The following LYSMD4 variants were observed in gnomAD, a reference collection of about 807,000 sequenced individuals.
The protein encoded by LYSMD4 is lysM and putative peptidoglycan-binding domain-containing protein 4.
A neutral mutation model predicts 6.1 loss-of-function variants in LYSMD4; 9 were observed. The observed-to-expected ratio is 1.47, with a 90% CI of 0.88 to 2.56. The LOEUF is 2.56. Among genes scored for constraint, LYSMD4 ranks in the 30% most tolerant of loss-of-function variants. LYSMD4 has a pLI of 0.00. For missense variants in LYSMD4, 384 were observed against 373.5 expected, an observed-to-expected ratio of 1.03 and a Z score of -0.23; for synonymous variants, 143 against 148.5, an observed-to-expected ratio of 0.96 and a Z score of 0.27.
chr15:99,716,753 AATCTGGCT>A, exon 2 of LYSMD4: 1 of 453,532 alleles, frequency 2.2e-6, no homozygotes, highest in Non-Finnish European at 4.4e-6. Flanking sequence ...ACCGGGGCCT[AATCTGGCT>A]GTTGCATGCA....
chr15:99,716,371 T>C (rs534904387), exon 1 of LYSMD4: 2 of 368,302 alleles, frequency 5.4e-6, no homozygotes, highest in Non-Finnish European at 1.1e-5. Context: ...TTTTTCTTCA[T>C]TATACAATAA....
At chr15:99,718,471 C>T (rs2059211288), upstream of LYSMD4, among the ~76,000 whole-genome samples, 1 of 152,204 alleles carries the variant, frequency 6.6e-6, no homozygotes, top group African/African-American at 2.4e-5. Context: ...TGTGCAGCGT[C>T]TATAGCTGTG....
At chr15:99,731,125 G>A (rs2141133479) in intron 2 of LYSMD4, 1 of 1,565,390 alleles carries the variant, frequency 6.4e-7, no homozygotes. Flanking sequence ...TGAAACAGTT[G>A]CAATCTAGGA....
At chr15:99,721,811 C>T (rs996971529), upstream of LYSMD4, among the ~76,000 whole-genome samples, 1 of 152,206 alleles carries the variant, frequency 6.6e-6, no homozygotes, top group Non-Finnish European at 1.5e-5. Flanking sequence ...AGGCCTTGGA[C>T]AACGGGCAGT....
downstream of LYSMD4, among the ~76,000 whole-genome samples, chr15:99,726,040 T>C (rs749741663): frequency 9.9e-5 from 15 of 152,086 alleles, no homozygotes; most frequent in African/African-American, 1.4e-4. Flanking sequence ...GCTTATATGA[T>C]TGTTGTTGCT....
In LYSMD4 at chr15:99,729,610, G is replaced by A. The variant is rs915428578; in HGVS notation, c.404C>T (p.Pro135Leu). The A allele has an allele frequency of 6.8e-6, 11 of 1,614,000 alleles. No homozygotes were observed. The South Asian group carries it at 1.2e-4, about 18-fold the overall frequency. ...GGTCTCGGAAGACGGGCTCAGAAGG[G>A]GTTTCAGTTCTTTGTGGGTCTCCAT... The part of the protein sequence containing the change: ...ILMETHKELK[P>L]LLSPSSETTV... Residue 135 changes from proline (P) to leucine (L), a missense_variant, in exon 3 of 3, where the codon CCC becomes CTC. Transcript: ENST00000684762.
chr15:99,721,830 G>C (rs1009048755), upstream of LYSMD4, among the ~76,000 whole-genome samples: 1 of 152,240 alleles, frequency 6.6e-6, no homozygotes, highest in Non-Finnish European at 1.5e-5. Flanking sequence ...GTGCAGGACA[G>C]TGATCTCTGA....
chr15:99,717,636 GC>G (rs1397263876), exon 1 of LYSMD4: 1 of 152,212 alleles, frequency 6.6e-6, no homozygotes, highest in East Asian at 1.9e-4. Flanking sequence ...TTCCCAGGCA[GC>G]CCCAGCCCCA....
chr15:99,726,488 C>G (rs1310204320), downstream of LYSMD4, among the ~76,000 whole-genome samples: 2 of 152,002 alleles, frequency 1.3e-5, no homozygotes, highest in African/African-American at 4.8e-5. Context: ...TCTCCTCCCA[C>G]CCCTCCCCTC....
downstream of LYSMD4, among the ~76,000 whole-genome samples, chr15:99,722,593 T>C (rs2059245504): frequency 1.3e-5 from 2 of 152,172 alleles, no homozygotes; most frequent in South Asian, 4.1e-4. Context: ...GGACCCAGAA[T>C]GACATAAATG....
rs1400165808 is a variant in LYSMD4 at position 99,728,078 on chromosome 15, A to G, written c.*1045T>C. ...AACAAGGGTCGCCTCTAGCCCCTCC[A>G]TCAAGTCTTTGGTCCTGGAACATTG... On this transcript the variant is annotated 3_prime_UTR_variant, in exon 3 of 3. Coordinates refer to ENST00000684762, the MANE Select transcript of LYSMD4 (RefSeq NM_001284417.2). 1.3e-5 allele frequency: 2 copies of G among 152,296 alleles called. No homozygotes were observed. Among genetic ancestry groups the G allele is most frequent in the East Asian group, 3.8e-4 (2 of 5,204 alleles). 9.4% of individuals were successfully genotyped at this position (152,296 alleles called of 1,614,324 possible). A position where few individuals can be genotyped will look rare whatever the true frequency, so the allele number is the denominator to read the frequency against.
upstream of LYSMD4, among the ~76,000 whole-genome samples, chr15:99,718,936 C>T (rs555006948): frequency 1.7e-4 from 23 of 137,376 alleles, 1 homozygote; most frequent in African/African-American, 5.7e-4. Flanking sequence ...CACACACACA[C>T]ACACATCCAT....
intron 2 of LYSMD4, 86 bp from the exon 3 acceptor site, chr15:99,729,817 G>C (rs1027557258): frequency 1.4e-6 from 2 of 1,449,898 alleles, no homozygotes; most frequent in African/African-American, 2.8e-5. Context: ...ATCTTTCTGG[G>C]TGATGATTCA....
chr15:99,729,564 T>TGGCA lies in LYSMD4; in HGVS notation c.446_449dup (p.Glu151AlafsTer22). 1 of 1,614,152 alleles carries TGGCA rather than the reference T, an allele frequency of 6.2e-7. No homozygotes were observed. The highest frequency in any genetic ancestry group is 8.5e-7 in the Non-Finnish European group (1 of 1,180,006). On this transcript the variant is annotated frameshift_variant, in exon 3 of 3. Transcript: ENST00000684762. LOFTEE classifies it low-confidence loss of function (END_TRUNC). ...TGCCCGCGCCTGCTCTGTCTGCCTCTGGCAGTTCCACGGTCACTGTGGTCT... is the reference window on the plus strand; with the variant it reads ...TGCCCGCGCCTGCTCTGTCTGCCTCTGGCAGGCAGTTCCACGGTCACTGTGGTCT...
At chr15:99,727,112 C>T (rs754570448), downstream of LYSMD4, among the ~76,000 whole-genome samples, 2 of 152,172 alleles carry the variant, frequency 1.3e-5, no homozygotes, top group East Asian at 1.9e-4. Context: ...CAGTGGCTCA[C>T]GTCTGTAATC....
chr15:99,732,244 C>A (rs951991437), intron 1 of LYSMD4, among the ~76,000 whole-genome samples: 3 of 152,176 alleles, frequency 2.0e-5, no homozygotes, highest in Non-Finnish European at 2.9e-5. Flanking sequence ...GAAAACGAAC[C>A]CCGCCCCTGT....
chr15:99,730,878 T>C (rs575693215), intron 2 of LYSMD4, among the ~76,000 whole-genome samples: 3 of 152,358 alleles, frequency 2.0e-5, no homozygotes, highest in East Asian at 1.9e-4. Context: ...ACAGTATGCC[T>C]GCAGAAGCTG....
upstream of LYSMD4, among the ~76,000 whole-genome samples, chr15:99,718,909 G>GCACACA (rs57143734): frequency 1.1e-4 from 16 of 150,712 alleles, no homozygotes; most frequent in South Asian, 8.4e-4. Flanking sequence ...GTAGTTATGC[G>GCACACA]CACACACACA....
At chr15:99,719,719 G>A (rs914357882), upstream of LYSMD4, among the ~76,000 whole-genome samples, 3 of 152,144 alleles carry the variant, frequency 2.0e-5, no homozygotes, top group South Asian at 2.1e-4. Flanking sequence ...TATCTTCAGG[G>A]TAGATTCCTA....
Sources: allele counts gnomAD v4.1 joint callset (sites outside exome capture counted in the v4.1 genomes callset), GRCh38; gene constraint gnomAD v4.1.1; transcripts MANE v1.5; gene names NCBI Gene and HGNC (gene_info 2026-07-23, HGNC 2026-07-21).